Variants in ZNF578 observed in about 807,000 individuals in gnomAD.
ZNF578 encodes the protein Putative chemokine-related protein B42.
Under a neutral mutation model 8.3 loss-of-function variants are expected in ZNF578, and 8 were observed. That is an observed-to-expected ratio of 0.96 (90% CI 0.56 to 1.74). ZNF578 has a LOEUF of 1.74. Among genes scored for constraint, ZNF578 ranks in the 40% most tolerant of loss-of-function variants. ZNF578 has a pLI of 0.00. For missense variants in ZNF578, 726 were observed against 707.5 expected (o/e 1.03, Z -0.30); for synonymous variants, 206 against 232.2 (o/e 0.89, Z 1.03).
intron 3 of ZNF578, among the ~76,000 whole-genome samples, chr19:52,495,824 T>A (rs1191476939): frequency 6.6e-6 from 1 of 152,066 alleles, no homozygotes; most frequent in Non-Finnish European, 1.5e-5. Flanking sequence ...GGACAGTGAC[T>A]TGACTCATTC....
intron 2 of ZNF578, among the ~76,000 whole-genome samples, chr19:52,477,522 T>G (rs2059311826): frequency 6.6e-6 from 1 of 152,078 alleles, no homozygotes; most frequent in African/African-American, 2.4e-5. Context: ...AGGTCCTTTC[T>G]CTCTTGAGAT....
intron 5 of ZNF578, among the ~76,000 whole-genome samples, chr19:52,505,725 A>G (rs2059423410): frequency 6.6e-6 from 1 of 151,830 alleles, no homozygotes; most frequent in Non-Finnish European, 1.5e-5. Flanking sequence ...CGCCTGGCCC[A>G]TTGTTCATTT....
At chr19:52,501,723 G>T in intron 3 of ZNF578, 104 bp from the exon 4 acceptor site, 2 of 1,166,676 alleles carry the variant, frequency 1.7e-6, no homozygotes, top group Non-Finnish European at 2.4e-6. Flanking sequence ...GGCAGTGGGG[G>T]GGGCTTCTTT....
chr19:52,509,162 A>G (rs2059435788), intron 5 of ZNF578, among the ~76,000 whole-genome samples: 1 of 151,810 alleles, frequency 6.6e-6, no homozygotes, highest in African/African-American at 2.4e-5. Flanking sequence ...TCAGCCTCCC[A>G]AGGTGCTGGG....
intron 5 of ZNF578, 132 bp from the exon 6 acceptor site, chr19:52,510,440 G>T: frequency 8.1e-7 from 1 of 1,233,366 alleles, no homozygotes; most frequent in Non-Finnish European, 1.1e-6. Flanking sequence ...TACTACTTTT[G>T]TGTTCGTAAA....
intron 3 of ZNF578, among the ~76,000 whole-genome samples, chr19:52,497,712 G>A (rs1435339933): frequency 6.6e-6 from 1 of 152,132 alleles, no homozygotes; most frequent in Admixed American, 6.5e-5. Flanking sequence ...TATGATGTTA[G>A]GTTGTTTCAG....
chr19:52,495,939 G>A (rs1331573100), intron 3 of ZNF578, among the ~76,000 whole-genome samples: 6 of 152,202 alleles, frequency 3.9e-5, no homozygotes, highest in African/African-American at 9.6e-5. Context: ...CGTGATGAAA[G>A]GAGTATTAAA....
chr19:52,472,931 T>A (rs1164210218), intron 2 of ZNF578, among the ~76,000 whole-genome samples: 11 of 152,180 alleles, frequency 7.2e-5, no homozygotes, highest in South Asian at 2.1e-4. Context: ...AGGATAAACA[T>A]ATTTTGTTGT....
At chr19:52,489,098 G>GC (rs908363773) in intron 2 of ZNF578, among the ~76,000 whole-genome samples, 3 of 151,344 alleles carry the variant, frequency 2.0e-5, no homozygotes, top group South Asian at 2.1e-4. Flanking sequence ...GACTCCGTCT[G>GC]CCCCCCCTAA....
chr19:52,483,201 A>T (rs2059333234), intron 2 of ZNF578, among the ~76,000 whole-genome samples: 1 of 152,096 alleles, frequency 6.6e-6, no homozygotes, highest in Admixed American at 6.6e-5. Context: ...AAATCACCTG[A>T]AGTTGGTGGT....
At chr19:52,491,091 C>G (rs2059363555) in intron 2 of ZNF578, among the ~76,000 whole-genome samples, 1 of 152,110 alleles carries the variant, frequency 6.6e-6, no homozygotes, top group South Asian at 2.1e-4. Context: ...TGTTTGTGCC[C>G]TGTCAGAGTT....
intron 2 of ZNF578, among the ~76,000 whole-genome samples, chr19:52,461,984 G>C (rs1398476448): frequency 6.6e-6 from 1 of 152,128 alleles, no homozygotes; most frequent in Non-Finnish European, 1.5e-5. Flanking sequence ...TCCTGTTTTA[G>C]TTTTGTCTTT....
rs371074363 is a variant in ZNF578, at chr19:52,511,503, T to C, written c.1122T>C (p.Asn374=). 6.2e-7 allele frequency: 1 copy of C among 1,613,782 alleles called. No homozygotes were observed. Among genetic ancestry groups the C allele is most frequent in the Non-Finnish European group, 8.5e-7 (1 of 1,179,736 alleles). Residue 374 remains asparagine, a synonymous_variant, in exon 6 of 6, where the codon AAT becomes AAC. Coordinates refer to ENST00000421239, the MANE Select transcript of ZNF578 (RefSeq NM_001099694.2). ...LHTGIKPYKC[N]ECGKMFGQNS... The stretch of plus-strand genomic sequence containing the variant: ...CTGGAATAAAACCTTACAAGTGTAA[T>C]GAGTGTGGCAAGATGTTTGGTCAAA...
intron 3 of ZNF578, among the ~76,000 whole-genome samples, chr19:52,493,989 C>CAAA (rs10713664): frequency 1.4e-5 from 2 of 144,490 alleles, no homozygotes; most frequent in African/African-American, 2.6e-5. Context: ...AAACTCCGTC[C>CAAA]AAAAAAAAAA....
chr19:52,511,816 G>A lies in ZNF578; in HGVS notation c.1435G>A (p.Gly479Arg). 6.2e-7 allele frequency: 1 copy of A among 1,613,770 alleles called. No homozygotes were observed. The change falls in exon 6 of 6, where the codon GGA (glycine) becomes AGA (arginine). Residue 479 changes from glycine (G) to arginine (R), a missense_variant. Transcript: ENST00000421239. ...NLERHKIIHT[G>R]EKPYKCNECH... Reference sequence around the variant, plus strand: ...TGAGAGACACAAGATAATTCATACTGGAGAGAAACCTTACAAGTGTAATGA... The same window carrying A: ...TGAGAGACACAAGATAATTCATACTAGAGAGAAACCTTACAAGTGTAATGA...
At chr19:52,460,087 C>CGT (rs1568454324) in intron 2 of ZNF578, among the ~76,000 whole-genome samples, 2 of 150,832 alleles carry the variant, frequency 1.3e-5, no homozygotes, top group African/African-American at 2.4e-5. Context: ...CAAATATGTA[C>CGT]GTGTGTGTGT....
intron 5 of ZNF578, among the ~76,000 whole-genome samples, chr19:52,506,043 A>G (rs1262325163): frequency 6.6e-6 from 1 of 151,976 alleles, no homozygotes; most frequent in Non-Finnish European, 1.5e-5. Context: ...GATTACAGGC[A>G]TGTGTCACCA....
At chr19:52,474,529 A>G in intron 2 of ZNF578, 1 of 299,514 alleles carries the variant, frequency 3.3e-6, no homozygotes, top group East Asian at 8.6e-5. Context: ...ACTCTGAGTA[A>G]AGACCTTGTA....
intron 3 of ZNF578, among the ~76,000 whole-genome samples, chr19:52,496,121 G>A (rs570328498): frequency 2.0e-5 from 3 of 151,768 alleles, no homozygotes; most frequent in South Asian, 2.1e-4. Flanking sequence ...CCGGGTTCAA[G>A]GAATTCTCTG....
Sources: gnomAD v4.1 joint callset for allele counts (sites outside exome capture counted in the v4.1 genomes callset) on GRCh38, gnomAD v4.1.1 for gene constraint, MANE v1.5 for transcripts, NCBI Gene and HGNC (gene_info 2026-07-23, HGNC 2026-07-21) for gene names.